The following TXNRD3 variants were observed in gnomAD, a reference collection of about 807,000 sequenced individuals.
TXNRD3 encodes the protein thioredoxin reductase 3, also known as TXNRD3 neighbor gene protein.
Under a neutral mutation model 78.2 loss-of-function variants are expected in TXNRD3, and 68 were observed. That is an observed-to-expected ratio of 0.87 (90% CI 0.72 to 1.06). TXNRD3 has a LOEUF of 1.06. Ranked by LOEUF, TXNRD3 falls within the 50% of genes least tolerant of loss-of-function variation. The pLI, the probability that TXNRD3 is intolerant of heterozygous loss-of-function variation, is 0.00. For synonymous variants in TXNRD3, 296 were observed against 300.1 expected, an observed-to-expected ratio of 0.99 and a Z score of 0.14; for missense variants, 751 against 809.5, an observed-to-expected ratio of 0.93 and a Z score of 0.88.
chr3:126,645,382 C>T (rs1933201918), intron 3 of TXNRD3, among the ~76,000 whole-genome samples: 1 of 152,208 alleles, frequency 6.6e-6, no homozygotes, highest in African/African-American at 2.4e-5. Context: ...AAGGTGTTTA[C>T]AGGACTTACC....
chr3:126,652,485 G>C (rs1933413904), intron 1 of TXNRD3, among the ~76,000 whole-genome samples: 1 of 152,224 alleles, frequency 6.6e-6, no homozygotes, highest in African/African-American at 2.4e-5. Context: ...ATTTTCTACA[G>C]CAGCAGGTCC....
intron 6 of TXNRD3, among the ~76,000 whole-genome samples, chr3:126,635,103 C>T (rs1489421190): frequency 6.6e-6 from 1 of 152,170 alleles, no homozygotes; most frequent in Non-Finnish European, 1.5e-5. Flanking sequence ...CAGCAGTGAC[C>T]ACGTCACCAC....
At chr3:126,642,481 C>T (rs990234730) in intron 5 of TXNRD3, among the ~76,000 whole-genome samples, 4 of 152,202 alleles carry the variant, frequency 2.6e-5, no homozygotes, top group African/African-American at 7.2e-5. Flanking sequence ...CAGCTCCCAG[C>T]CCTGTACTCT....
chr3:126,644,154 C>T (rs1355600989), intron 4 of TXNRD3, 101 bp from the exon 5 acceptor site: 28 of 1,396,334 alleles, frequency 2.0e-5, no homozygotes, highest in Non-Finnish European at 2.6e-5. Flanking sequence ...TTGTGTGACA[C>T]ACAATCTTTT....
At chr3:126,619,146 A>C (rs1938385348) in intron 12 of TXNRD3, among the ~76,000 whole-genome samples, 1 of 152,188 alleles carries the variant, frequency 6.6e-6, no homozygotes, top group Non-Finnish European at 1.5e-5. Flanking sequence ...ACTATGGAAC[A>C]CAGTATGGAG....
At chr3:126,632,659 C>CAAAAA (rs71615915) in intron 7 of TXNRD3, among the ~76,000 whole-genome samples, 1 of 59,338 alleles carries the variant, frequency 1.7e-5, no homozygotes, top group African/African-American at 6.0e-5. Flanking sequence ...GACTCTGTCT[C>CAAAAA]AAAAAAAAAA....
intron 10 of TXNRD3, 49 bp downstream of exon 10, chr3:126,629,330 A>T (rs1938655532): frequency 8.1e-7 from 1 of 1,239,648 alleles, no homozygotes; most frequent in Non-Finnish European, 1.1e-6. Flanking sequence ...CATTTCTGTT[A>T]ATTTAGGAGT....
chr3:126,637,933 T>TC (rs1491368021), intron 6 of TXNRD3, among the ~76,000 whole-genome samples: 1 of 11,874 alleles, frequency 8.4e-5, no homozygotes, highest in Admixed American at 1.1e-3. Flanking sequence ...TTTCTCTCTC[T>TC]TTTTTTTTTT....
rs141206064 is a variant in TXNRD3 at position 126,631,918 on chromosome 3, A to G, written c.856-39T>C. 1.2e-4 allele frequency: 166 copies of G among 1,371,752 alleles called. 1 individual carries two copies. In the East Asian group the frequency reaches 3.9e-3, roughly 32 times the overall value. 85.0% of individuals were successfully genotyped at this position (1,371,752 alleles called of 1,614,324 possible). ...AAGTAAACCTCACTTAGCAAACACTACAGAGTACCAGACACCCTGGACAAA... is the reference window on the plus strand; with the variant it reads ...AAGTAAACCTCACTTAGCAAACACTGCAGAGTACCAGACACCCTGGACAAA... On this transcript the variant is annotated intron_variant, in intron 7 of 15. Coordinates refer to ENST00000524230, the MANE Select transcript of TXNRD3 (RefSeq NM_052883.3).
intron 3 of TXNRD3, among the ~76,000 whole-genome samples, chr3:126,644,652 A>G (rs1037669233): frequency 6.6e-6 from 1 of 152,172 alleles, no homozygotes; most frequent in African/African-American, 2.4e-5. Context: ...GTGTCAAATA[A>G]CCTAGAAGGT....
chr3:126,621,993 A>C, intron 11 of TXNRD3, 95 bp from the exon 12 acceptor site: 9 of 1,056,312 alleles, frequency 8.5e-6, no homozygotes, highest in Non-Finnish European at 1.1e-5. Context: ...AATACATAGA[A>C]GACCTCTTAA....
intron 1 of TXNRD3, among the ~76,000 whole-genome samples, chr3:126,651,110 AT>A (rs1164143606): frequency 6.6e-6 from 1 of 152,210 alleles, no homozygotes; most frequent in Non-Finnish European, 1.5e-5. Flanking sequence ...ATAAGAACAT[AT>A]GTGGAATATG....
chr3:126,652,011 A>G (rs1933403057), intron 1 of TXNRD3, among the ~76,000 whole-genome samples: 1 of 152,258 alleles, frequency 6.6e-6, no homozygotes, highest in African/African-American at 2.4e-5. Flanking sequence ...CAGTTAATGA[A>G]TAGATCCTTG....
At chr3:126,615,919 G>A (rs1938309454) in intron 12 of TXNRD3, among the ~76,000 whole-genome samples, 1 of 152,188 alleles carries the variant, frequency 6.6e-6, no homozygotes, top group Non-Finnish European at 1.5e-5. Flanking sequence ...GAGAGGTGAG[G>A]CAAATATGCA....
At chr3:126,608,459 C>A in intron 15 of TXNRD3, 40 bp downstream of exon 15, 1 of 1,501,472 alleles carries the variant, frequency 6.7e-7, no homozygotes, top group Non-Finnish European at 8.8e-7. Flanking sequence ...TTTCAAACTA[C>A]ATCAACTGAA....
At chr3:126,644,673 T>C (rs1364532179) in intron 3 of TXNRD3, among the ~76,000 whole-genome samples, 3 of 152,266 alleles carry the variant, frequency 2.0e-5, no homozygotes, top group Admixed American at 2.0e-4. Flanking sequence ...TGTGGCTCTG[T>C]ACCTATGTAA....
At chr3:126,614,384 T>C (rs773639608) in intron 13 of TXNRD3, among the ~76,000 whole-genome samples, 2 of 152,180 alleles carry the variant, frequency 1.3e-5, no homozygotes, top group Non-Finnish European at 2.9e-5. Context: ...ACATCCTTCC[T>C]GTCATGTGCC....
In TXNRD3 at chr3:126,608,745, A is replaced by T. The variant is rs1938122812; in HGVS notation, c.1729-112T>A. The T allele has an allele frequency of 5.8e-6, 7 of 1,207,584 alleles. No homozygotes were observed. In the South Asian group the frequency reaches 9.8e-5, roughly 17 times the overall value. The allele number at this position is 1,207,584 out of a possible 1,614,324, so 74.8% of individuals were successfully genotyped here. A position where few individuals can be genotyped will look rare whatever the true frequency, so the allele number is the denominator to read the frequency against. On this transcript the variant is annotated intron_variant, in intron 14 of 15. Coordinates refer to ENST00000524230, the MANE Select transcript of TXNRD3 (RefSeq NM_052883.3). ...ATACAGTATCTACTACAGAAAAAGA[A>T]CTTCAATGTCAAAGTGAGCAGAGAA...
chr3:126,639,998 CTCTCCATTGAGTT>C (rs2107623758), intron 6 of TXNRD3, among the ~76,000 whole-genome samples: 1 of 152,240 alleles, frequency 6.6e-6, no homozygotes, highest in South Asian at 2.1e-4. Flanking sequence ...TGACCTAAGG[CTCTCCATTGAGTT>C]GACTGGAGAA....
Sources: allele counts gnomAD v4.1 joint callset (sites outside exome capture counted in the v4.1 genomes callset), GRCh38; gene constraint gnomAD v4.1.1; transcripts MANE v1.5; gene names NCBI Gene and HGNC (gene_info 2026-07-23, HGNC 2026-07-21).